Variants in SEMA4B observed in about 807,000 individuals in gnomAD.
SEMA4B encodes the protein semaphorin 4B, also known as semaphorin-4B.
Under a neutral mutation model 88.1 loss-of-function variants are expected in SEMA4B, and 55 were observed. The ratio of observed to expected loss-of-function variants is 0.62; its 90% CI spans 0.50 to 0.78. The LOEUF (loss-of-function observed/expected upper bound fraction) is 0.78, where lower values mean the gene tolerates loss of function less well. SEMA4B is among the 30% of genes least tolerant of loss of function. The pLI, the probability that SEMA4B is intolerant of heterozygous loss-of-function variation, is 0.00. For missense variants in SEMA4B, 1,062 were observed against 1,111.9 expected (o/e 0.96, Z 0.64); for synonymous variants, 525 against 473.6 (o/e 1.11, Z -1.41).
chr15:90,221,549 C>T (rs1172136997), intron 6 of SEMA4B, 65 bp from the exon 7 acceptor site: 4 of 1,607,506 alleles, frequency 2.5e-6, no homozygotes, highest in East Asian at 2.2e-5. Context: ...GGGGCACTTT[C>T]CCCCAGCTTG....
At chr15:90,218,640 C>G (rs1164748332) in intron 3 of SEMA4B, among the ~76,000 whole-genome samples, 1 of 152,140 alleles carries the variant, frequency 6.6e-6, no homozygotes, top group Admixed American at 6.5e-5. Flanking sequence ...TAGTGAAACT[C>G]CGTCTCTACT....
intron 1 of SEMA4B, among the ~76,000 whole-genome samples, chr15:90,195,492 A>T (rs1215214983): frequency 4.6e-5 from 7 of 152,120 alleles, no homozygotes. Context: ...AGTCCAGGCT[A>T]GTTGTCTTGT....
At chr15:90,209,394 AAT>A (rs1294410150) in intron 1 of SEMA4B, among the ~76,000 whole-genome samples, 1 of 146,928 alleles carries the variant, frequency 6.8e-6, no homozygotes. Context: ...CTACTAAAAA[AAT>A]ATATATATAT....
At position 90,201,710 on chromosome 15, in the gene SEMA4B, C is replaced by T. The variant is rs777039432; in HGVS notation, c.132C>T (p.Leu44=). 2 of 1,494,854 alleles carry T rather than the reference C, an allele frequency of 1.3e-6. No homozygotes were observed. The highest frequency in any genetic ancestry group is 1.2e-5 in the South Asian group (1 of 80,102). 92.6% of individuals were successfully genotyped at this position (1,494,854 alleles called of 1,614,324 possible). The change falls in exon 1 of 14, where the codon CTC becomes CTT. Residue 44 remains leucine (L), a synonymous_variant. Transcript: ENST00000411539. Reference sequence around the variant, plus strand: ...AGCCGCCGCCTCCGACCTGGGCGCTCAGCCCCCGGATCAGCCTGCCTCTGG... The same window carrying T: ...AGCCGCCGCCTCCGACCTGGGCGCTTAGCCCCCGGATCAGCCTGCCTCTGG... ...LLQPPPPTWA[L]SPRISLPLGS... is the part of the protein sequence containing the mutation.
intron 1 of SEMA4B, among the ~76,000 whole-genome samples, chr15:90,186,882 G>A (rs1960181542): frequency 6.6e-6 from 1 of 151,998 alleles, no homozygotes; most frequent in Non-Finnish European, 1.5e-5. Context: ...GCAGTGAGCC[G>A]AGATTGCACC....
chr15:90,201,576 C>T lies in SEMA4B; in HGVS notation c.-3C>T, dbSNP rs909902844. On this transcript the variant is annotated 5_prime_UTR_variant, in exon 1 of 14. Coordinates refer to ENST00000411539, the MANE Select transcript of SEMA4B (RefSeq NM_198925.4). ...GCGGGACACCGTCGCTCCTGCTCTC[C>T]GAATGCTGCGCACCGCGATGGGCCT... is the stretch of plus-strand genomic sequence containing the variant. The T allele has an allele frequency of 3.3e-6, 5 of 1,493,498 alleles. No homozygotes were observed. The highest frequency in any genetic ancestry group is 4.4e-6 in the Non-Finnish European group (5 of 1,128,692). 92.5% of individuals were successfully genotyped at this position (1,493,498 alleles called of 1,614,324 possible).
At chr15:90,210,006 G>A (rs1399035296) in intron 1 of SEMA4B, among the ~76,000 whole-genome samples, 1 of 152,244 alleles carries the variant, frequency 6.6e-6, no homozygotes, top group Non-Finnish European at 1.5e-5. Context: ...CAGCTGGCCT[G>A]GAGATGGGAG....
Position 90,225,750 on chromosome 15 carries a change from C to A in SEMA4B, c.1611C>A (p.Leu537=). 2 of 1,576,362 alleles carry A rather than the reference C, an allele frequency of 1.3e-6. No homozygotes were observed. Among genetic ancestry groups the A allele is most frequent in the Non-Finnish European group, 1.7e-6 (2 of 1,162,640 alleles). Residue 537 remains leucine (L), a synonymous_variant, in exon 12 of 14, where the codon CTC becomes CTA. Coordinates refer to ENST00000411539, the MANE Select transcript of SEMA4B (RefSeq NM_198925.4). ...ACAGGAGCTGTGGGGACTGCCTCCT[C>A]GCCCGGGACCCCTACTGTGCTTGGA... is the stretch of plus-strand genomic sequence containing the variant. ...SLYRSCGDCL[L]ARDPYCAWSG...
chr15:90,215,235 T>C (rs1176552423), intron 1 of SEMA4B, among the ~76,000 whole-genome samples: 2 of 148,968 alleles, frequency 1.3e-5, no homozygotes, highest in Non-Finnish European at 3.0e-5. Flanking sequence ...TTTTTTTTTC[T>C]TTGATTTATA....
chr15:90,191,055 T>C (rs534981471), intron 1 of SEMA4B, among the ~76,000 whole-genome samples: 1 of 152,292 alleles, frequency 6.6e-6, no homozygotes, highest in African/African-American at 2.4e-5. Context: ...TGAACTCATA[T>C]TGGGGGAGCA....
chr15:90,202,365 CG>C (rs1960789111), intron 1 of SEMA4B, among the ~76,000 whole-genome samples: 1 of 152,188 alleles, frequency 6.6e-6, no homozygotes, highest in Non-Finnish European at 1.5e-5. Flanking sequence ...CAGCTCTGGG[CG>C]CTGACATTCC....
Position 90,186,207 on chromosome 15 carries a change from T to C in SEMA4B, c.-122+1126T>C, listed in dbSNP as rs557381787. On this transcript the variant is annotated intron_variant, in intron 1 of 14. Transcript: ENST00000332496. ...CTTTGGCCTCCCAATGTGCCTGGTT[T>C]ATAGGCTTGAGCCACCACGCCTGGC... Among the ~76,000 whole-genome samples, 115 of 152,250 alleles carry C rather than the reference T, an allele frequency of 7.6e-4. 1 individual carries two copies. The highest frequency in any genetic ancestry group is 2.7e-3 in the African/African-American group (112 of 41,554).
At chr15:90,204,459 G>GAGCC (rs1216071794) in intron 1 of SEMA4B, among the ~76,000 whole-genome samples, 3 of 152,298 alleles carry the variant, frequency 2.0e-5, no homozygotes, top group Admixed American at 2.0e-4. Flanking sequence ...AAGATGCAGG[G>GAGCC]AGCCGATTTG....
intron 7 of SEMA4B, among the ~76,000 whole-genome samples, chr15:90,222,485 G>A (rs557936386): frequency 8.6e-4 from 131 of 151,756 alleles, no homozygotes; most frequent in African/African-American, 3.1e-3. Context: ...CAAGAGAATC[G>A]CTTGAACCTG....
chr15:90,222,954 G>GTATATATATATATATATA (rs5814418), intron 7 of SEMA4B, among the ~76,000 whole-genome samples: 3 of 130,614 alleles, frequency 2.3e-5, no homozygotes, highest in African/African-American at 9.0e-5. Context: ...GTAACTCTGT[G>GTATATATATATATATATA]TATATATATA....
Position 90,201,656 on chromosome 15 carries a change from G to GCTGCTC in SEMA4B, c.84_89dup (p.Leu34_Leu35dup), listed in dbSNP as rs1465660695. 1.1e-5 allele frequency: 17 copies of GCTGCTC among 1,516,668 alleles called. No homozygotes were observed. Among genetic ancestry groups the GCTGCTC allele is most frequent in the Non-Finnish European group, 1.4e-5 (16 of 1,139,774 alleles). 94.0% of individuals were successfully genotyped at this position (1,516,668 alleles called of 1,614,324 possible). On this transcript the variant is annotated inframe_insertion, in exon 1 of 14. Transcript: ENST00000411539. ...CGCTGCCGCCTCGGCCACCGCTGCT[G>GCTGCTC]CTGCTCCTGCTGCTGCTGCTCCTGC...
chr15:90,225,145 C>T lies in SEMA4B; in HGVS notation c.1372C>T (p.His458Tyr). The T allele has an allele frequency of 6.2e-7, 1 of 1,612,160 alleles. No individual in the cohort carries two copies. Among genetic ancestry groups the T allele is most frequent in the Non-Finnish European group, 8.5e-7 (1 of 1,179,232 alleles). The change falls in exon 10 of 14, where the codon CAC (histidine) becomes TAC (tyrosine). Residue 458 changes from histidine to tyrosine, a missense_variant. His to Tyr is a moderately conservative substitution (Grantham distance 83). Coordinates refer to ENST00000411539, the MANE Select transcript of SEMA4B (RefSeq NM_198925.4). Reference protein sequence around the residue: ...RVAVHRVPGLHHTYDVLFLGT... With the variant: ...RVAVHRVPGLYHTYDVLFLGT... ...GGCTGTACACCGCGTCCCTGGCCTGCACCACACCTACGATGTCCTCTTCCT... is the reference window on the plus strand; with the variant it reads ...GGCTGTACACCGCGTCCCTGGCCTGTACCACACCTACGATGTCCTCTTCCT...
upstream of SEMA4B, among the ~76,000 whole-genome samples, chr15:90,199,271 A>G (rs543936216): frequency 6.6e-6 from 1 of 152,186 alleles, no homozygotes; most frequent in Non-Finnish European, 1.5e-5. Flanking sequence ...AGGCCCTTGC[A>G]GTAACCAGGA....
At chr15:90,218,475 T>C (rs761290760) in intron 3 of SEMA4B, among the ~76,000 whole-genome samples, 22 of 152,212 alleles carry the variant, frequency 1.4e-4, no homozygotes, top group Non-Finnish European at 2.8e-4. Flanking sequence ...CATGTACTTT[T>C]AGGTACTGGA....
Sources: gnomAD v4.1 joint callset for allele counts (sites outside exome capture counted in the v4.1 genomes callset) on GRCh38, gnomAD v4.1.1 for gene constraint, MANE v1.5 for transcripts, NCBI Gene and HGNC (gene_info 2026-07-23, HGNC 2026-07-21) for gene names.